The following RNLS variants were observed in gnomAD, a reference collection of about 807,000 sequenced individuals.
RNLS encodes renalase, FAD dependent amine oxidase, also known as renalase.
In RNLS, 39 loss-of-function variants were observed where a neutral mutation model predicts 39.8. The ratio of observed to expected loss-of-function variants is 0.98; its 90% CI spans 0.76 to 1.28. The LOEUF is 1.28. Among genes scored for constraint, RNLS ranks in the 50% most tolerant of loss-of-function variants. The pLI is 0.00. For synonymous variants in RNLS, 147 were observed against 150.7 expected (o/e 0.98, Z 0.18); for missense variants, 410 against 413.3 (o/e 0.99, Z 0.07).
chr10:88,368,761 T>C (rs1383487541), intron 4 of RNLS, among the ~76,000 whole-genome samples: 5 of 152,120 alleles, frequency 3.3e-5, no homozygotes, highest in Non-Finnish European at 7.4e-5. Flanking sequence ...ATTATGCACA[T>C]CTTTGTGCAG....
intron 4 of RNLS, among the ~76,000 whole-genome samples, chr10:88,407,972 CTTGT>C (rs1564774718): frequency 2.0e-5 from 3 of 152,040 alleles, no homozygotes; most frequent in East Asian, 3.9e-4. Context: ...TTTTAATGTA[CTTGT>C]CTTTACCCCC....
chr10:88,519,904 G>A (rs1846628398), intron 4 of RNLS, among the ~76,000 whole-genome samples: 1 of 151,808 alleles, frequency 6.6e-6, no homozygotes, highest in Non-Finnish European at 1.5e-5. Context: ...ATTTACCACT[G>A]TAACTTGCTG....
chr10:88,288,503 GTC>G (rs1564663508), intron 6 of RNLS, among the ~76,000 whole-genome samples: 3 of 152,104 alleles, frequency 2.0e-5, no homozygotes, highest in African/African-American at 4.8e-5. Flanking sequence ...ATATGTGTGT[GTC>G]TATGTATAAT....
At chr10:88,174,250 T>G in the RNLS span, among the ~76,000 whole-genome samples, 2 of 152,036 alleles carry the variant, frequency 1.3e-5, no homozygotes, top group Non-Finnish European at 2.9e-5. Flanking sequence ...TTTTTTTTTC[T>G]TTTGCATGAT....
chr10:88,243,969 C>T, the RNLS span, among the ~76,000 whole-genome samples: 3 of 152,232 alleles, frequency 2.0e-5, no homozygotes, highest in Non-Finnish European at 4.4e-5. Context: ...TGAACTTCAG[C>T]CTGCATCTTG....
chr10:88,239,976 A>G, the RNLS span, among the ~76,000 whole-genome samples: 1 of 152,222 alleles, frequency 6.6e-6, no homozygotes, highest in South Asian at 2.1e-4. Context: ...TACAAAATTT[A>G]ACCTTTTGTG....
chr10:88,211,031 T>C, the RNLS span, among the ~76,000 whole-genome samples: 12 of 152,308 alleles, frequency 7.9e-5, no homozygotes, highest in Middle Eastern at 3.4e-3. Flanking sequence ...GCTGATTTCA[T>C]GCCTCCTTCT....
At chr10:88,419,670 T>C (rs187243616) in intron 4 of RNLS, among the ~76,000 whole-genome samples, 12 of 152,302 alleles carry the variant, frequency 7.9e-5, no homozygotes, top group African/African-American at 2.6e-4. Flanking sequence ...AAGAGTGCTT[T>C]CTTCCTCATG....
At chr10:88,284,012 CAAAA>C (rs112465465), downstream of RNLS, 2 of 501,970 alleles carry the variant, frequency 4.0e-6, no homozygotes, top group Admixed American at 1.3e-4. Flanking sequence ...GCGAAAATAA[CAAAA>C]AATCACTATT....
At chr10:88,580,089 G>C (rs934606383) in intron 3 of RNLS, among the ~76,000 whole-genome samples, 6 of 152,190 alleles carry the variant, frequency 3.9e-5, no homozygotes, top group African/African-American at 1.4e-4. Context: ...TGGACTAGAA[G>C]TATACCACCA....
Position 88,555,690 on chromosome 10 carries a change from A to G in RNLS, c.526+17213T>C, listed in dbSNP as rs564963905. Among the ~76,000 whole-genome samples the G allele has an allele frequency of 1.2e-4, 19 of 152,196 alleles. No individual in the cohort carries two copies. In the South Asian group the frequency reaches 3.9e-3, roughly 32 times the overall value. ...CGTGAAATGGACTGACACACCCTCC[A>G]CATTGCGAAATCCAATGGGCAACTC... On this transcript the variant is annotated intron_variant, in intron 4 of 6. Transcript: ENST00000331772.
the RNLS span, among the ~76,000 whole-genome samples, chr10:88,183,899 A>G: frequency 6.6e-6 from 1 of 152,188 alleles, no homozygotes; most frequent in African/African-American, 2.4e-5. Flanking sequence ...TTTGCGGATC[A>G]ACTAGAGAGA....
At chr10:88,315,634 A>G (rs1361887465) in intron 5 of RNLS, among the ~76,000 whole-genome samples, 1 of 152,192 alleles carries the variant, frequency 6.6e-6, no homozygotes, top group Admixed American at 6.5e-5. Context: ...AAATGGTAAT[A>G]CAATGATCTA....
intron 4 of RNLS, among the ~76,000 whole-genome samples, chr10:88,422,955 G>A (rs1402422402): frequency 6.6e-6 from 1 of 152,040 alleles, no homozygotes; most frequent in Non-Finnish European, 1.5e-5. Flanking sequence ...CTTCTATGTT[G>A]CCCAGGTTGT....
At chr10:88,507,662 T>C (rs755467904) in intron 4 of RNLS, among the ~76,000 whole-genome samples, 1 of 152,132 alleles carries the variant, frequency 6.6e-6, no homozygotes, top group Non-Finnish European at 1.5e-5. Flanking sequence ...ACTATCAGGT[T>C]TTTTAAAAGA....
chr10:88,549,658 C>T (rs1848516077), intron 4 of RNLS, among the ~76,000 whole-genome samples: 1 of 152,034 alleles, frequency 6.6e-6, no homozygotes, highest in Non-Finnish European at 1.5e-5. Flanking sequence ...TAGAAGAATG[C>T]CACACTAGAG....
chr10:88,505,771 G>C (rs1266251312), intron 4 of RNLS, among the ~76,000 whole-genome samples: 2 of 152,060 alleles, frequency 1.3e-5, no homozygotes, highest in East Asian at 3.9e-4. Flanking sequence ...AGATCTAGCA[G>C]TCACTATGTC....
chr10:88,195,928 T>C, the RNLS span, among the ~76,000 whole-genome samples: 1 of 152,176 alleles, frequency 6.6e-6, no homozygotes, highest in Non-Finnish European at 1.5e-5. Context: ...ATGACCTGAG[T>C]CCTTTCCAAT....
the RNLS span, among the ~76,000 whole-genome samples, chr10:88,189,236 A>T: frequency 6.6e-6 from 1 of 152,176 alleles, no homozygotes; most frequent in Non-Finnish European, 1.5e-5. Flanking sequence ...TTAACATTTC[A>T]GATATGACTT....
Sources: gnomAD v4.1 joint callset for allele counts (sites outside exome capture counted in the v4.1 genomes callset) on GRCh38, gnomAD v4.1.1 for gene constraint, MANE v1.5 for transcripts, NCBI Gene and HGNC (gene_info 2026-07-23, HGNC 2026-07-21) for gene names.